PM20D2: variants seen among roughly 807,000 people sequenced by gnomAD.
The protein encoded by PM20D2 is peptidase M20 domain containing 2.
Under a neutral mutation model 42.9 loss-of-function variants are expected in PM20D2, and 33 were observed. The observed-to-expected ratio is 0.77, with a 90% CI of 0.58 to 1.03. PM20D2 has a LOEUF of 1.03. Among genes scored for constraint, PM20D2 ranks in the 50% least tolerant of loss-of-function variants. The pLI, the probability that PM20D2 is intolerant of heterozygous loss-of-function variation, is 0.00. For missense variants in PM20D2, 548 were observed against 557.0 expected (o/e 0.98, Z 0.16); for synonymous variants, 250 against 228.2 (o/e 1.10, Z -0.86).
Position 89,154,830 on chromosome 6 carries a change from G to C in PM20D2, c.840G>C (p.Met280Ile). The change falls in exon 4 of 7, where the codon ATG becomes ATC. Residue 280 changes from methionine to isoleucine, a missense_variant. By Grantham distance (10) the Met-to-Ile change is conservative (BLOSUM62 1). Transcript: ENST00000275072. ...TCTATTACTTCCGTGCACCCTCAAT[G>C]AAAGAACTTCAAGTTTTGACCAAAA... Reference protein sequence around the residue: ...ELIYYFRAPSMKELQVLTKKA... With the variant: ...ELIYYFRAPSIKELQVLTKKA... 6.2e-7 allele frequency: 1 copy of C among 1,609,996 alleles called. No individual in the cohort carries two copies. Among genetic ancestry groups the C allele is most frequent in the South Asian group, 1.1e-5 (1 of 90,240 alleles).
At chr6:89,105,354 TA>T in the PM20D2 span, 1 of 1,561,982 alleles carries the variant, frequency 6.4e-7, no homozygotes, top group Non-Finnish European at 8.7e-7. Context: ...GAAAGAATTT[TA>T]AATTAAAAAA....
chr6:89,136,692 C>A, the PM20D2 span, among the ~76,000 whole-genome samples: 1 of 151,050 alleles, frequency 6.6e-6, no homozygotes, highest in South Asian at 2.1e-4. Flanking sequence ...AAAAAAATTT[C>A]TAACCAGATA....
chr6:89,152,127 A>G (rs1354746075), intron 2 of PM20D2, among the ~76,000 whole-genome samples: 4 of 152,012 alleles, frequency 2.6e-5, no homozygotes, highest in Admixed American at 2.0e-4. Flanking sequence ...GGTCATGGTG[A>G]TAAGATATAT....
the PM20D2 span, among the ~76,000 whole-genome samples, chr6:89,131,906 C>G: frequency 1.3e-5 from 2 of 152,156 alleles, no homozygotes; most frequent in African/African-American, 4.8e-5. Context: ...TGGCCAGAAG[C>G]TGACTTTATG....
upstream of PM20D2, among the ~76,000 whole-genome samples, chr6:89,142,230 A>G (rs112147482): frequency 7.5e-3 from 1,136 of 152,296 alleles, 15 homozygotes; most frequent in African/African-American, 0.026. Context: ...GCTTTCTGCC[A>G]TATGACAACC....
the PM20D2 span, among the ~76,000 whole-genome samples, chr6:89,113,207 C>A: frequency 6.6e-6 from 1 of 152,152 alleles, no homozygotes; most frequent in Non-Finnish European, 1.5e-5. Context: ...CACAATTTCA[C>A]TCTGTCACCC....
the PM20D2 span, among the ~76,000 whole-genome samples, chr6:89,127,839 A>G: frequency 0.64 from 96,750 of 152,052 alleles, 31,799 homozygotes; most frequent in South Asian, 0.76. Context: ...CTGGAGCCGC[A>G]GCAGAGGAAC....
chr6:89,146,261 G>T lies in PM20D2; in HGVS notation c.117G>T (p.Gly39=). The change falls in exon 1 of 7, where the codon GGG becomes GGT. Residue 39 remains glycine (G), a synonymous_variant. Transcript: ENST00000275072. ...ECIDEAAERL[G]ALSRAIWSQP... is the part of the protein sequence containing the mutation. ...TCGACGAGGCGGCCGAGCGGCTGGG[G>T]GCCCTGAGCCGCGCGATCTGGAGCC... 1 of 1,580,324 alleles carries T rather than the reference G, an allele frequency of 6.3e-7. No individual in the cohort carries two copies. Among genetic ancestry groups the T allele is most frequent in the East Asian group, 2.3e-5 (1 of 43,856 alleles).
chr6:89,096,799 C>T, the PM20D2 span: 2 of 152,148 alleles, frequency 1.3e-5, no homozygotes, highest in African/African-American at 4.8e-5. Context: ...TGCCCAGCCC[C>T]TAGTTTTTAA....
At chr6:89,110,799 C>CA in the PM20D2 span, among the ~76,000 whole-genome samples, 1 of 152,078 alleles carries the variant, frequency 6.6e-6, no homozygotes, top group Non-Finnish European at 1.5e-5. Context: ...AACCAACTTA[C>CA]ATTTCCAAAA....
At chr6:89,157,766 A>G (rs939403862) in intron 4 of PM20D2, among the ~76,000 whole-genome samples, 1 of 152,200 alleles carries the variant, frequency 6.6e-6, no homozygotes, top group Non-Finnish European at 1.5e-5. Flanking sequence ...GCACTTTGGG[A>G]GGCCGAGACG....
intron 1 of PM20D2, among the ~76,000 whole-genome samples, chr6:89,147,337 A>G (rs964729544): frequency 3.3e-5 from 5 of 152,220 alleles, no homozygotes; most frequent in East Asian, 1.9e-4. Context: ...CTAAGATTCA[A>G]TCGTCATTCA....
the PM20D2 span, among the ~76,000 whole-genome samples, chr6:89,104,655 T>A: frequency 3.3e-5 from 5 of 152,188 alleles, no homozygotes; most frequent in Non-Finnish European, 5.9e-5. Flanking sequence ...CCAAGTTAAA[T>A]AACAATATAT....
the PM20D2 span, among the ~76,000 whole-genome samples, chr6:89,136,909 T>G: frequency 6.6e-6 from 1 of 151,078 alleles, no homozygotes; most frequent in Non-Finnish European, 1.5e-5. Context: ...TACTACAGTG[T>G]TTTCATCTTA....
intron 4 of PM20D2, 35 bp from the exon 5 acceptor site, chr6:89,158,286 GTTTT>G: frequency 6.5e-7 from 1 of 1,535,818 alleles, no homozygotes; most frequent in Non-Finnish European, 8.8e-7. Context: ...GTGAATTTGA[GTTTT>G]TTATTTCAAA....
the PM20D2 span, among the ~76,000 whole-genome samples, chr6:89,115,956 T>C: frequency 6.7e-6 from 1 of 150,090 alleles, no homozygotes; most frequent in Non-Finnish European, 1.5e-5. Flanking sequence ...TTTCATATGA[T>C]TCAACTTAAT....
At chr6:89,123,419 A>C in the PM20D2 span, among the ~76,000 whole-genome samples, 2 of 152,206 alleles carry the variant, frequency 1.3e-5, no homozygotes, top group Non-Finnish European at 2.9e-5. Context: ...TAATTTTTAA[A>C]GTTTTATGGA....
upstream of PM20D2, among the ~76,000 whole-genome samples, chr6:89,141,791 T>C (rs1053706808): frequency 6.6e-6 from 1 of 152,134 alleles, no homozygotes; most frequent in Non-Finnish European, 1.5e-5. Flanking sequence ...CATCCAATAG[T>C]TTAGCCATTG....
chr6:89,137,074 A>T, the PM20D2 span, among the ~76,000 whole-genome samples: 10 of 150,852 alleles, frequency 6.6e-5, no homozygotes, highest in Non-Finnish European at 1.0e-4. Context: ...CTTTATACAC[A>T]GTTCTCAATT....
Sources: gnomAD v4.1 joint callset for allele counts (sites outside exome capture counted in the v4.1 genomes callset) on GRCh38, gnomAD v4.1.1 for gene constraint, MANE v1.5 for transcripts, NCBI Gene and HGNC (gene_info 2026-07-23, HGNC 2026-07-21) for gene names.